Variants in MTMR10 observed in about 807,000 individuals in gnomAD.
MTMR10 encodes the protein myotubularin related protein 10.
A neutral mutation model predicts 88.1 loss-of-function variants in MTMR10; 56 were observed. The ratio of observed to expected loss-of-function variants is 0.64; its 90% confidence interval spans 0.51 to 0.79. MTMR10 has a LOEUF of 0.79. Ranked by LOEUF, MTMR10 falls within the 30% of genes least tolerant of loss-of-function variation. The pLI is 0.00. For missense variants in MTMR10, 883 were observed against 924.7 expected (o/e 0.95, Z 0.58); for synonymous variants, 380 against 340.9 (o/e 1.11, Z -1.26).
In MTMR10 at chr15:30,977,001, C is replaced by A. The variant is rs144790812; in HGVS notation, c.122-46G>T. ...TTGTAAGGTACTTTGTCATAAAATA[C>A]CAACGGTCTTTGTGGGACCTAGAAG... On this transcript the variant is annotated intron_variant, in intron 2 of 15. Coordinates refer to ENST00000435680, the MANE Select transcript of MTMR10 (RefSeq NM_017762.3). The A allele has an allele frequency of 2.9e-5, 46 of 1,576,034 alleles. No individual in the cohort carries two copies. In the African/African-American group the frequency reaches 6.0e-4, roughly 20 times the overall value.
At chr15:30,952,336 T>C (rs573992045) in intron 11 of MTMR10, among the ~76,000 whole-genome samples, 37 of 152,366 alleles carry the variant, frequency 2.4e-4, no homozygotes, top group African/African-American at 6.7e-4. Context: ...TAGTTACTTA[T>C]ACGATTTCTC....
At chr15:30,948,020 G>C (rs1311915431) in intron 13 of MTMR10, among the ~76,000 whole-genome samples, 1 of 152,174 alleles carries the variant, frequency 6.6e-6, no homozygotes, top group Non-Finnish European at 1.5e-5. Flanking sequence ...AATAGCCAAT[G>C]TGCTTGTTAT....
At chr15:30,970,264 T>C (rs1018328929) in intron 5 of MTMR10, among the ~76,000 whole-genome samples, 3 of 152,066 alleles carry the variant, frequency 2.0e-5, no homozygotes, top group African/African-American at 4.8e-5. Flanking sequence ...AAGCTTACAT[T>C]CTAGTGGGAA....
At chr15:30,952,061 A>G (rs767436145) in intron 11 of MTMR10, 23 bp from the exon 12 acceptor site, 101 of 1,593,022 alleles carry the variant, frequency 6.3e-5, no homozygotes, top group Non-Finnish European at 8.1e-5. Flanking sequence ...AAGGAAAAGC[A>G]GTGTTAAAAA....
At chr15:30,929,243 G>T in the MTMR10 span, 1 of 1,613,384 alleles carries the variant, frequency 6.2e-7, no homozygotes, top group East Asian at 2.2e-5. Flanking sequence ...TTCTTCACAA[G>T]CAGACGCCCA....
At chr15:30,979,103 T>C (rs931746421) in intron 2 of MTMR10, among the ~76,000 whole-genome samples, 8 of 152,158 alleles carry the variant, frequency 5.3e-5, no homozygotes, top group African/African-American at 1.9e-4. Flanking sequence ...CCAGTTCAGA[T>C]AGAGGACACA....
At chr15:30,922,454 C>T in the MTMR10 span, 3 of 1,190,450 alleles carry the variant, frequency 2.5e-6, no homozygotes, top group Non-Finnish European at 3.6e-6. Flanking sequence ...GTAATTAGAA[C>T]ATGTATTTCT....
chr15:30,955,607 T>C (rs930911565), intron 9 of MTMR10, among the ~76,000 whole-genome samples: 2 of 151,886 alleles, frequency 1.3e-5, no homozygotes, highest in Non-Finnish European at 2.9e-5. Flanking sequence ...ATAAAGCACA[T>C]CCATTGGAAC....
intron 1 of MTMR10, 86 bp from the exon 2 acceptor site, chr15:30,990,923 G>T: frequency 8.6e-7 from 1 of 1,156,406 alleles, no homozygotes. Context: ...TCTAAGTGAT[G>T]ACACATGCGA....
the MTMR10 span, among the ~76,000 whole-genome samples, chr15:30,922,556 T>C: frequency 6.6e-6 from 1 of 152,158 alleles, no homozygotes; most frequent in Non-Finnish European, 1.5e-5. Context: ...CTGGAAGCTT[T>C]TGTCTTCTCT....
intron 3 of MTMR10, among the ~76,000 whole-genome samples, chr15:30,975,767 ATATACT>A (rs1289627107): frequency 3.3e-5 from 5 of 152,214 alleles, no homozygotes; most frequent in Non-Finnish European, 5.9e-5. Context: ...ACTACATGAA[ATATACT>A]TACACTAAAC....
chr15:30,966,592 T>C (rs1186990152), intron 6 of MTMR10, among the ~76,000 whole-genome samples: 1 of 152,226 alleles, frequency 6.6e-6, no homozygotes, highest in African/African-American at 2.4e-5. Context: ...ATCACTGTTC[T>C]GTAGCTTGAC....
rs773097493 is a variant in MTMR10 at position 30,958,889 on chromosome 15, C to G, written c.909G>C (p.Val303=). ...TCTGGTCAATCTTCCTCTGCTGCAGCACGTCTTTGATGAGGGCCATTCGCA... is the reference window on the plus strand; with the variant it reads ...TCTGGTCAATCTTCCTCTGCTGCAGGACGTCTTTGATGAGGGCCATTCGCA... The part of the protein sequence containing the change: ...ALVRMALIKD[V]LQQRKIDQRI... The change falls in exon 9 of 16, where the codon GTG becomes GTC. Residue 303 remains valine (V), a synonymous_variant. Transcript: ENST00000435680. 1 of 1,613,906 alleles carries G rather than the reference C, an allele frequency of 6.2e-7. No individual in the cohort carries two copies. The highest frequency in any genetic ancestry group is 1.7e-5 in the Admixed American group (1 of 60,016).
At position 30,959,225 on chromosome 15, in the gene MTMR10, G is replaced by A. The variant is rs865992220; in HGVS notation, c.759-104C>T. ...TAAGCAAGTTGTCCGCATTTAATGT[G>A]CACCCCACTTAGTAGCCACATGGTG... is the stretch of plus-strand genomic sequence containing the variant. On this transcript the variant is annotated intron_variant, in intron 7 of 15. Coordinates refer to ENST00000435680, the MANE Select transcript of MTMR10 (RefSeq NM_017762.3). 24 of 1,026,920 alleles carry A rather than the reference G, an allele frequency of 2.3e-5. No homozygotes were observed. In the Middle Eastern group the frequency reaches 1.1e-3, roughly 48 times the overall value. 63.6% of individuals were successfully genotyped at this position (1,026,920 alleles called of 1,614,324 possible). A position where few individuals can be genotyped will look rare whatever the true frequency, so the allele number is the denominator to read the frequency against.
the MTMR10 span, chr15:30,928,747 A>G: frequency 1.9e-6 from 3 of 1,589,356 alleles, no homozygotes; most frequent in Non-Finnish European, 1.7e-6. Context: ...CAGCCAGCAG[A>G]AACCATCTCT....
chr15:30,966,043 G>C, intron 6 of MTMR10: 1 of 455,504 alleles, frequency 2.2e-6, no homozygotes, highest in Non-Finnish European at 4.4e-6. Flanking sequence ...TTATGCTTCT[G>C]TAACAGCATG....
intron 10 of MTMR10, 29 bp downstream of exon 10, chr15:30,954,734 T>TTA (rs1566951751): frequency 2.6e-6 from 4 of 1,567,048 alleles, no homozygotes; most frequent in Admixed American, 2.0e-5. Flanking sequence ...CCTGTGTTCA[T>TTA]TATATATATG....
intron 5 of MTMR10, among the ~76,000 whole-genome samples, chr15:30,969,363 C>T (rs1469046664): frequency 6.6e-6 from 1 of 152,048 alleles, no homozygotes; most frequent in Non-Finnish European, 1.5e-5. Flanking sequence ...ATTTAGGAGC[C>T]GGTTATCTAT....
At chr15:30,942,629 A>G in intron 15 of MTMR10, 1 of 442,928 alleles carries the variant, frequency 2.3e-6, no homozygotes, top group Non-Finnish European at 3.9e-6. Context: ...CAAGAAATGG[A>G]TAAATGGGGC....
Sources: gnomAD v4.1 joint callset for allele counts (sites outside exome capture counted in the v4.1 genomes callset) on GRCh38, gnomAD v4.1.1 for gene constraint, MANE v1.5 for transcripts, NCBI Gene and HGNC (gene_info 2026-07-23, HGNC 2026-07-21) for gene names.